Variants in PRDM6 observed in about 807,000 individuals in gnomAD.
PRDM6 encodes the protein PR/SET domain 6, also known as putative histone-lysine N-methyltransferase PRDM6.
In PRDM6, 25 loss-of-function variants were observed where a neutral mutation model predicts 60.8. The ratio of observed to expected loss-of-function variants is 0.41; its 90% CI spans 0.30 to 0.57. The LOEUF is 0.57. Among genes scored for constraint, PRDM6 ranks in the 20% least tolerant of loss-of-function variants. PRDM6 has a pLI of 0.27. For missense variants in PRDM6, 839 were observed against 821.3 expected (o/e 1.02, Z -0.26); for synonymous variants, 407 against 357.4 (o/e 1.14, Z -1.57).
chr5:123,181,046 C>T lies in PRDM6; in HGVS notation c.1673+723C>T, dbSNP rs112121737. On this transcript the variant is annotated intron_variant, in intron 7 of 7. Coordinates refer to ENST00000407847, the MANE Select transcript of PRDM6 (RefSeq NM_001136239.4). ...ATGGCACACTTATCCAAATGGTGGA[C>T]ATCTGAATCCGTGCAAGATGGTCTA... Among the ~76,000 whole-genome samples the T allele has an allele frequency of 8.3e-3, 1,258 of 152,314 alleles. 10 individuals carry two copies. Among genetic ancestry groups the T allele is most frequent in the Middle Eastern group, 0.02 (6 of 294 alleles).
At chr5:123,148,294 C>T (rs1017472650) in intron 3 of PRDM6, among the ~76,000 whole-genome samples, 1 of 152,148 alleles carries the variant, frequency 6.6e-6, no homozygotes, top group Non-Finnish European at 1.5e-5. Flanking sequence ...AACCATTACT[C>T]ACTTATTTTA....
At chr5:123,152,699 AGTT>A (rs1765397104) in intron 3 of PRDM6, among the ~76,000 whole-genome samples, 2 of 152,324 alleles carry the variant, frequency 1.3e-5, no homozygotes, top group South Asian at 4.1e-4. Context: ...ACTCACAGAC[AGTT>A]GTTGTAACGT....
intron 5 of PRDM6, among the ~76,000 whole-genome samples, chr5:123,167,056 C>T (rs1434642973): frequency 5.3e-5 from 8 of 152,096 alleles, no homozygotes; most frequent in Non-Finnish European, 1.0e-4. Flanking sequence ...TAGTTTATAC[C>T]TTTAATGGAC....
intron 3 of PRDM6, among the ~76,000 whole-genome samples, chr5:123,103,515 A>G (rs1406598002): frequency 6.6e-6 from 1 of 152,070 alleles, no homozygotes; most frequent in Non-Finnish European, 1.5e-5. Context: ...TTTCTCAGCA[A>G]TTAGGTCTTA....
chr5:123,115,082 C>A (rs1410153187), intron 3 of PRDM6, among the ~76,000 whole-genome samples: 1 of 152,144 alleles, frequency 6.6e-6, no homozygotes, highest in East Asian at 1.9e-4. Context: ...AGGTGTAAGA[C>A]ATCTGTAGTT....
At chr5:123,117,690 T>A (rs1238527375) in intron 3 of PRDM6, among the ~76,000 whole-genome samples, 1 of 152,230 alleles carries the variant, frequency 6.6e-6, no homozygotes, top group Non-Finnish European at 1.5e-5. Flanking sequence ...TAAAGTTCTG[T>A]TTAATCTTGC....
chr5:123,118,937 G>A (rs145559401), intron 3 of PRDM6, among the ~76,000 whole-genome samples: 1 of 152,288 alleles, frequency 6.6e-6, no homozygotes, highest in East Asian at 1.9e-4. Context: ...CATCTTGCTA[G>A]ATTTGGGAGC....
intron 3 of PRDM6, among the ~76,000 whole-genome samples, chr5:123,112,011 AC>A (rs1764326686): frequency 6.6e-6 from 1 of 152,086 alleles, no homozygotes; most frequent in Non-Finnish European, 1.5e-5. Flanking sequence ...AGAACTACTA[AC>A]AGACAGCAAA....
intron 3 of PRDM6, among the ~76,000 whole-genome samples, chr5:123,121,720 T>C (rs1389291249): frequency 1.3e-5 from 2 of 152,240 alleles, no homozygotes; most frequent in Non-Finnish European, 2.9e-5. Context: ...CTAAGTTCCA[T>C]GTCTCTTCCT....
intron 6 of PRDM6, among the ~76,000 whole-genome samples, chr5:123,172,358 T>A: frequency 6.6e-6 from 1 of 152,226 alleles, no homozygotes; most frequent in East Asian, 1.9e-4. Flanking sequence ...AGCTAATTAA[T>A]GTTGAAACAT....
chr5:123,187,216 G>A lies in PRDM6; in HGVS notation c.*15G>A, dbSNP rs1410367434. On this transcript the variant is annotated 3_prime_UTR_variant, in exon 8 of 8. Coordinates refer to ENST00000407847, the MANE Select transcript of PRDM6 (RefSeq NM_001136239.4). ...AAGTGGATTAACGGATTGACTGGTT[G>A]GAATTAAACTGCAAGGAAAGTCATG... is the stretch of plus-strand genomic sequence containing the variant. The A allele has an allele frequency of 2.6e-6, 4 of 1,520,784 alleles. No individual in the cohort carries two copies. The Admixed American group carries it at 5.9e-5, about 22-fold the overall frequency. 94.2% of individuals were successfully genotyped at this position (1,520,784 alleles called of 1,614,324 possible). A position where few individuals can be genotyped will look rare whatever the true frequency, so the allele number is the denominator to read the frequency against.
At chr5:123,156,244 C>T (rs1242984499) in intron 4 of PRDM6, among the ~76,000 whole-genome samples, 1 of 152,082 alleles carries the variant, frequency 6.6e-6, no homozygotes, top group Non-Finnish European at 1.5e-5. Context: ...ACTCCGTGCA[C>T]ATGGTGAAGT....
intron 3 of PRDM6, among the ~76,000 whole-genome samples, chr5:123,136,232 C>T (rs1580507942): frequency 6.6e-6 from 1 of 152,082 alleles, no homozygotes; most frequent in Admixed American, 6.6e-5. Flanking sequence ...ATTCCATTTA[C>T]GAGTTTTAAG....
At chr5:123,131,979 CT>C (rs1417098419) in intron 3 of PRDM6, among the ~76,000 whole-genome samples, 1 of 152,138 alleles carries the variant, frequency 6.6e-6, no homozygotes, top group Non-Finnish European at 1.5e-5. Context: ...GTAATAGTAT[CT>C]GTTCCATAAA....
chr5:123,187,898 T>C lies in PRDM6; in HGVS notation c.*697T>C, dbSNP rs1315253040. On this transcript the variant is annotated 3_prime_UTR_variant, in exon 8 of 8. Coordinates refer to ENST00000407847, the MANE Select transcript of PRDM6 (RefSeq NM_001136239.4). ...AAAAAGTTGAGGACTTATTTTGTCCTGTCAAGATTGCAAGAACATGTAAAA... is the reference window on the plus strand; with the variant it reads ...AAAAAGTTGAGGACTTATTTTGTCCCGTCAAGATTGCAAGAACATGTAAAA... 6.6e-6 allele frequency: 1 copy of C among 152,210 alleles called. No homozygotes were observed. Among genetic ancestry groups the C allele is most frequent in the African/African-American group, 2.4e-5 (1 of 41,450 alleles). 9.4% of individuals were successfully genotyped at this position (152,210 alleles called of 1,614,324 possible).
rs773180557 is a variant in PRDM6, at chr5:123,090,637, C to T, written c.592+31C>T. On this transcript the variant is annotated intron_variant, in intron 2 of 7. Coordinates refer to ENST00000407847, the MANE Select transcript of PRDM6 (RefSeq NM_001136239.4). ...TAGCCGCAGCCCGCGCGCTCTCTCCCGGGGCGCCGGCGCCGGCGCCGGCGG... is the reference window on the plus strand; with the variant it reads ...TAGCCGCAGCCCGCGCGCTCTCTCCTGGGGCGCCGGCGCCGGCGCCGGCGG... 62 of 1,317,804 alleles carry T rather than the reference C, an allele frequency of 4.7e-5. No homozygotes were observed. In the South Asian group the frequency reaches 7.3e-4, roughly 16 times the overall value. 81.6% of individuals were successfully genotyped at this position (1,317,804 alleles called of 1,614,324 possible).
intron 6 of PRDM6, among the ~76,000 whole-genome samples, chr5:123,179,839 C>T (rs1766104830): frequency 6.6e-6 from 1 of 152,058 alleles, no homozygotes; most frequent in African/African-American, 2.4e-5. Flanking sequence ...CTATACTTTC[C>T]CTACTTACAA....
chr5:123,180,786 A>T (rs1364029916), intron 7 of PRDM6, among the ~76,000 whole-genome samples: 1 of 152,214 alleles, frequency 6.6e-6, no homozygotes, highest in Non-Finnish European at 1.5e-5. Flanking sequence ...GATGAAATAT[A>T]TCCTCCTCTT....
rs1177639330 is a variant in PRDM6 at position 123,147,801 on chromosome 5, C to G, written c.901-8083C>G. Among the ~76,000 whole-genome samples, 3 of 152,216 alleles carry G rather than the reference C, an allele frequency of 2.0e-5. No homozygotes were observed. The South Asian group carries it at 6.2e-4, about 32-fold the overall frequency. On this transcript the variant is annotated intron_variant, in intron 3 of 7. Transcript: ENST00000407847. ...AAGCCTGATTCCCCAAAGTCTTCCTCTGATCAACAGACAGAGCATGCCTGA... is the reference window on the plus strand; with the variant it reads ...AAGCCTGATTCCCCAAAGTCTTCCTGTGATCAACAGACAGAGCATGCCTGA...
Sources: gnomAD v4.1 joint callset for allele counts (sites outside exome capture counted in the v4.1 genomes callset) on GRCh38, gnomAD v4.1.1 for gene constraint, MANE v1.5 for transcripts, NCBI Gene and HGNC (gene_info 2026-07-23, HGNC 2026-07-21) for gene names.